The following SHOC1 variants were observed in gnomAD, a reference collection of about 807,000 sequenced individuals.
The protein encoded by SHOC1 is shortage in chiasmata 1.
SHOC1 carries 136 observed loss-of-function variants against 179.2 expected under a neutral mutation model. The ratio of observed to expected loss-of-function variants is 0.76; its 90% CI spans 0.66 to 0.87. The LOEUF (loss-of-function observed/expected upper bound fraction) is 0.87. Ranked by LOEUF, SHOC1 falls within the 40% of genes least tolerant of loss-of-function variation. SHOC1 has a pLI of 0.00. For missense variants in SHOC1, 1,538 were observed against 1,700.8 expected (o/e 0.90, Z 1.68); for synonymous variants, 489 against 586.6 (o/e 0.83, Z 2.41).
rs749077397 is a variant in SHOC1 at position 111,710,626 on chromosome 9, G to A, written c.2488+2474C>T. ...ATTTTAGTGAGGAAAACAGATAAGA[G>A]GATCATTTCTAAGGGTGATAACACC... On this transcript the variant is annotated intron_variant, in intron 18 of 27. Transcript: ENST00000682961. Among the ~76,000 whole-genome samples, 75 of 152,074 alleles carry A rather than the reference G, an allele frequency of 4.9e-4. 1 individual carries two copies. The highest frequency in any genetic ancestry group is 1.6e-4 in the Non-Finnish European group (11 of 68,016).
At chr9:111,788,692 G>A (rs897937158) in intron 2 of SHOC1, among the ~76,000 whole-genome samples, 1 of 152,102 alleles carries the variant, frequency 6.6e-6, no homozygotes, top group Non-Finnish European at 1.5e-5. Flanking sequence ...ACAGTATAAT[G>A]TGGATGCTTA....
At position 111,756,449 on chromosome 9, in the gene SHOC1, G is replaced by C; in HGVS notation, c.738C>G (p.Phe246Leu). ...CTGGTTTGAGGCTTGGAGGTATTAA[G>C]AATTCATACTCAATAAGAAAACTTG... Reference protein sequence around the residue: ...EPSSFLIEYEFLIPPSLKPEI... With the variant: ...EPSSFLIEYELLIPPSLKPEI... The change falls in exon 8 of 28, where the codon TTC (phenylalanine) becomes TTG (leucine). Residue 246 changes from phenylalanine to leucine, a missense_variant. Physicochemically the swap from Phe to Leu is conservative, Grantham distance 22. Coordinates refer to ENST00000682961, the MANE Select transcript of SHOC1 (RefSeq NM_001378211.1). 1 of 1,604,958 alleles carries C rather than the reference G, an allele frequency of 6.2e-7. No individual in the cohort carries two copies. Among genetic ancestry groups the C allele is most frequent in the Non-Finnish European group, 8.5e-7 (1 of 1,177,600 alleles).
intron 24 of SHOC1, among the ~76,000 whole-genome samples, chr9:111,697,585 C>G (rs903640263): frequency 2.0e-5 from 3 of 152,196 alleles, no homozygotes; most frequent in African/African-American, 7.2e-5. Flanking sequence ...TTAATCCAGT[C>G]TATCATTGAT....
chr9:111,738,258 A>G (rs1235169276), intron 12 of SHOC1, 22 bp downstream of exon 12: 2 of 1,581,482 alleles, frequency 1.3e-6, no homozygotes, highest in Non-Finnish European at 1.7e-6. Flanking sequence ...TACATAACTA[A>G]TATTTACTGT....
Position 111,758,179 on chromosome 9 carries a change from G to T in SHOC1, c.613C>A (p.Gln205Lys). The T allele has an allele frequency of 6.4e-7, 1 of 1,569,860 alleles. No individual in the cohort carries two copies. The highest frequency in any genetic ancestry group is 1.2e-5 in the South Asian group (1 of 82,134). Residue 205 changes from glutamine (Q) to lysine (K), a missense_variant, in exon 7 of 28, where the codon CAA (glutamine) becomes AAA (lysine). Transcript: ENST00000682961. Reference sequence around the variant, plus strand: ...TTCACAAAAGCTTCCAAAGTTTCTTGAAGAGAGAAACATTCCCTTAAAAAA... The same window carrying T: ...TTCACAAAAGCTTCCAAAGTTTCTTTAAGAGAGAAACATTCCCTTAAAAAA... ...ANFSRECFSL[Q>K]ETLEAFVKED...
At chr9:111,692,799 A>G (rs921219043) in intron 26 of SHOC1, among the ~76,000 whole-genome samples, 6 of 152,192 alleles carry the variant, frequency 3.9e-5, no homozygotes, top group African/African-American at 1.4e-4. Flanking sequence ...TTCATACATG[A>G]ATACTATTTC....
chr9:111,715,995 T>G (rs1357749632), intron 16 of SHOC1, among the ~76,000 whole-genome samples: 1 of 151,958 alleles, frequency 6.6e-6, no homozygotes, highest in African/African-American at 2.4e-5. Context: ...CAGACCTCCG[T>G]GGATTTTTTT....
At chr9:111,704,383 T>C (rs1832146653) in intron 21 of SHOC1, among the ~76,000 whole-genome samples, 1 of 152,174 alleles carries the variant, frequency 6.6e-6, no homozygotes, top group African/African-American at 2.4e-5. Flanking sequence ...TTTTATTTTA[T>C]TACTGTATAT....
intron 4 of SHOC1, among the ~76,000 whole-genome samples, chr9:111,780,006 C>T (rs1280005770): frequency 6.6e-6 from 1 of 152,202 alleles, no homozygotes; most frequent in Non-Finnish European, 1.5e-5. Flanking sequence ...GGAGTTTACT[C>T]ATATGATACA....
At chr9:111,701,322 A>G (rs1831963499) in intron 23 of SHOC1, among the ~76,000 whole-genome samples, 1 of 152,176 alleles carries the variant, frequency 6.6e-6, no homozygotes, top group Non-Finnish European at 1.5e-5. Context: ...GAGGTCTGAA[A>G]TCATTATATT....
chr9:111,770,793 A>G (rs1349145475), intron 5 of SHOC1, among the ~76,000 whole-genome samples: 1 of 152,020 alleles, frequency 6.6e-6, no homozygotes, highest in East Asian at 1.9e-4. Context: ...GTCTCTTTTT[A>G]CAATCTTAGA....
At chr9:111,785,161 T>A (rs897327967) in intron 3 of SHOC1, among the ~76,000 whole-genome samples, 3 of 152,186 alleles carry the variant, frequency 2.0e-5, no homozygotes, top group African/African-American at 7.2e-5. Flanking sequence ...CCCCCATATT[T>A]TTCATGGTTG....
At chr9:111,791,348 T>C (rs1836438275) in intron 2 of SHOC1, 26 bp downstream of exon 2, 2 of 1,354,810 alleles carry the variant, frequency 1.5e-6, no homozygotes, top group Admixed American at 2.7e-5. Context: ...TCTCAGTAAA[T>C]AGACAGTAAG....
At chr9:111,723,453 G>T (rs1833155568) in intron 14 of SHOC1, among the ~76,000 whole-genome samples, 1 of 152,166 alleles carries the variant, frequency 6.6e-6, no homozygotes, top group African/African-American at 2.4e-5. Context: ...TCTGATAGCA[G>T]GTAAGAGAAC....
intron 3 of SHOC1, among the ~76,000 whole-genome samples, chr9:111,781,520 C>T (rs1836041638): frequency 6.6e-6 from 1 of 152,162 alleles, no homozygotes; most frequent in East Asian, 1.9e-4. Flanking sequence ...GCCAGGAGTT[C>T]GAGACCAGCC....
At position 111,775,773 on chromosome 9, in the gene SHOC1, A is replaced by G. The variant is rs368254045; in HGVS notation, c.442+18T>C. ...TCAGTAAGAAATGTTTTACAACAAT[A>G]TAAAATAAACGTTTTACCTTGGTTC... On this transcript the variant is annotated intron_variant, in intron 5 of 27. Transcript: ENST00000682961. 3.2e-6 allele frequency: 5 copies of G among 1,582,934 alleles called. No homozygotes were observed. In the African/African-American group the frequency reaches 5.5e-5, roughly 17 times the overall value.
intron 20 of SHOC1, among the ~76,000 whole-genome samples, chr9:111,706,261 C>T (rs900696403): frequency 6.6e-6 from 1 of 152,022 alleles, no homozygotes; most frequent in African/African-American, 2.4e-5. Flanking sequence ...AATAAAAATA[C>T]TATTGCATAA....
chr9:111,737,227 GT>G (rs1833849037), intron 12 of SHOC1, among the ~76,000 whole-genome samples: 1 of 152,100 alleles, frequency 6.6e-6, no homozygotes, highest in African/African-American at 2.4e-5. Flanking sequence ...TAAAAAAATC[GT>G]TCTGTCTTCT....
chr9:111,688,365 A>G (rs925761914), intron 27 of SHOC1, among the ~76,000 whole-genome samples: 2 of 152,142 alleles, frequency 1.3e-5, no homozygotes, highest in Non-Finnish European at 2.9e-5. Flanking sequence ...TATTATCCAT[A>G]TATTATTTAT....
Sources: gnomAD v4.1 joint callset for allele counts (sites outside exome capture counted in the v4.1 genomes callset) on GRCh38, gnomAD v4.1.1 for gene constraint, MANE v1.5 for transcripts, NCBI Gene and HGNC (gene_info 2026-07-23, HGNC 2026-07-21) for gene names.